Variants in SAR1B observed in about 807,000 individuals in gnomAD.
SAR1B encodes the protein small COPII coat GTPase SAR1B.
Under a neutral mutation model 26.8 loss-of-function variants are expected in SAR1B, and 23 were observed. The observed-to-expected ratio is 0.86, with a 90% CI of 0.62 to 1.22. The LOEUF is 1.22. Among genes scored for constraint, SAR1B ranks in the 50% most tolerant of loss-of-function variants. SAR1B has a pLI of 0.00. For synonymous variants in SAR1B, 65 were observed against 80.8 expected (o/e 0.80, Z 1.05); for missense variants, 196 against 232.8 (o/e 0.84, Z 1.03).
Position 134,603,435 on chromosome 5 carries a change from T to C in SAR1B, c.*3515A>G, listed in dbSNP as rs895542767. ...TTTTCTAGAATGCAAGAAACACTATTATCACAGTTATCACCCTATTTTAAT... is the reference window on the plus strand; with the variant it reads ...TTTTCTAGAATGCAAGAAACACTATCATCACAGTTATCACCCTATTTTAAT... On this transcript the variant is annotated 3_prime_UTR_variant, in exon 7 of 7. Coordinates refer to ENST00000402673, the MANE Select transcript of SAR1B (RefSeq NM_016103.4). The C allele has an allele frequency of 1.3e-5, 2 of 152,262 alleles. No individual in the cohort carries two copies. The highest frequency in any genetic ancestry group is 4.8e-5 in the African/African-American group (2 of 41,460). The allele number at this position is 152,262 out of a possible 1,614,324, so 9.4% of individuals were successfully genotyped here.
Position 134,603,241 on chromosome 5 carries a change from T to C in SAR1B, c.*3709A>G, listed in dbSNP as rs559086015. ...AATAAATCCTTGCAAACGTCAGTCA[T>C]GTAAGTGACTAACAAGACTGAAATA... On this transcript the variant is annotated 3_prime_UTR_variant, in exon 7 of 7. Transcript: ENST00000402673. The C allele has an allele frequency of 1.1e-4, 16 of 152,338 alleles. No individual in the cohort carries two copies. Among genetic ancestry groups the C allele is most frequent in the Non-Finnish European group, 2.1e-4 (14 of 68,028 alleles). 9.4% of individuals were successfully genotyped at this position (152,338 alleles called of 1,614,324 possible). A position where few individuals can be genotyped will look rare whatever the true frequency, so the allele number is the denominator to read the frequency against.
chr5:134,606,423 C>T lies in SAR1B; in HGVS notation c.*527G>A, dbSNP rs1312817140. ...ACATTTAAATGAAACATTTGCCCAACAAGGATGCCAAACATTAGAGTTTGT... is the reference window on the plus strand; with the variant it reads ...ACATTTAAATGAAACATTTGCCCAATAAGGATGCCAAACATTAGAGTTTGT... On this transcript the variant is annotated 3_prime_UTR_variant, in exon 7 of 7. Coordinates refer to ENST00000402673, the MANE Select transcript of SAR1B (RefSeq NM_016103.4). 6.0e-6 allele frequency: 1 copy of T among 165,324 alleles called. No homozygotes were observed. The highest frequency in any genetic ancestry group is 1.3e-5 in the Non-Finnish European group (1 of 75,096). 10.2% of individuals were successfully genotyped at this position (165,324 alleles called of 1,614,324 possible).
intron 1 of SAR1B, among the ~76,000 whole-genome samples, chr5:134,629,504 C>A (rs1181808963): frequency 6.6e-6 from 1 of 152,098 alleles, no homozygotes; most frequent in Non-Finnish European, 1.5e-5. Flanking sequence ...CAAGACCAGC[C>A]TGACTAACAT....
rs1765134177 is a variant in SAR1B at position 134,606,765 on chromosome 5, G to T, written c.*185C>A. 1.7e-6 allele frequency: 1 copy of T among 595,848 alleles called. No individual in the cohort carries two copies. Among genetic ancestry groups the T allele is most frequent in the Non-Finnish European group, 3.1e-6 (1 of 327,464 alleles). The allele number at this position is 595,848 out of a possible 1,614,324, so 36.9% of individuals were successfully genotyped here. A position where few individuals can be genotyped will look rare whatever the true frequency, so the allele number is the denominator to read the frequency against. On this transcript the variant is annotated 3_prime_UTR_variant, in exon 7 of 7. Transcript: ENST00000402673. The stretch of plus-strand genomic sequence containing the variant: ...TATGGAATTAGAAAGCTAACATTGT[G>T]ATACTCAAACTTACTTGAATCAGTT...
chr5:134,610,833 A>G (rs1164918455), intron 4 of SAR1B, among the ~76,000 whole-genome samples: 1 of 151,898 alleles, frequency 6.6e-6, no homozygotes, highest in Non-Finnish European at 1.5e-5. Context: ...CATAAGAGTA[A>G]TTTTTTCCAT....
At chr5:134,626,396 T>G (rs937351730) in intron 1 of SAR1B, among the ~76,000 whole-genome samples, 7 of 151,942 alleles carry the variant, frequency 4.6e-5, no homozygotes, top group African/African-American at 1.7e-4. Context: ...GTTTTTTTAT[T>G]GTTATTTTAA....
chr5:134,607,390 CCAAA>C (rs1232419036), intron 6 of SAR1B, among the ~76,000 whole-genome samples: 1 of 152,158 alleles, frequency 6.6e-6, no homozygotes, highest in Non-Finnish European at 1.5e-5. Flanking sequence ...AGGTTTATGA[CCAAA>C]CAAAGCATTT....
chr5:134,614,161 A>AAAGG (rs1184883035), intron 3 of SAR1B: 1 of 152,080 alleles, frequency 6.6e-6, no homozygotes, highest in African/African-American at 2.4e-5. Flanking sequence ...AGAAAGAAAG[A>AAAGG]AAAAAAAGAA....
chr5:134,619,935 C>CGTAT, intron 3 of SAR1B, among the ~76,000 whole-genome samples: 1 of 152,092 alleles, frequency 6.6e-6, no homozygotes, highest in East Asian at 1.9e-4. Flanking sequence ...GCGCTATGAT[C>CGTAT]ATACCACGGC....
chr5:134,616,640 C>CT (rs1232103971), intron 3 of SAR1B, among the ~76,000 whole-genome samples: 1 of 152,160 alleles, frequency 6.6e-6, no homozygotes, highest in Non-Finnish European at 1.5e-5. Context: ...ATACAGAACA[C>CT]TGTTAACATC....
intron 3 of SAR1B, among the ~76,000 whole-genome samples, chr5:134,615,730 T>C (rs1287924926): frequency 6.6e-6 from 1 of 151,214 alleles, no homozygotes; most frequent in Admixed American, 6.6e-5. Flanking sequence ...GGCAGGAGAA[T>C]GGCATGAACG....
rs1765455978 is a variant in SAR1B, at chr5:134,624,000, C to T, written c.20G>A (p.Trp7Ter). The change falls in exon 2 of 7, where the codon TGG becomes TAG. Residue 7 changes from tryptophan (W) to a stop codon, truncating the protein, a stop_gained. Transcript: ENST00000402673. LOFTEE classifies it high-confidence loss of function. Reference sequence around the variant, plus strand: ...CACACTGCTGAAACCACTGTAAATCCAATCAAATATGAAGGACATATCCAA... The same window carrying T: ...CACACTGCTGAAACCACTGTAAATCTAATCAAATATGAAGGACATATCCAA... MSFIFDWIYSGFSSVLQ... is the reference protein window; with the variant it reads MSFIFD The T allele has an allele frequency of 1.2e-6, 2 of 1,611,360 alleles. No individual in the cohort carries two copies. The highest frequency in any genetic ancestry group is 1.7e-6 in the Non-Finnish European group (2 of 1,177,640).
At chr5:134,609,458 G>A in intron 5 of SAR1B, 113 bp downstream of exon 5, 1 of 827,964 alleles carries the variant, frequency 1.2e-6, no homozygotes, top group Non-Finnish European at 2.1e-6. Flanking sequence ...AAATTGCCAA[G>A]AGTTTCATCA....
intron 1 of SAR1B, among the ~76,000 whole-genome samples, chr5:134,628,782 T>C (rs943641799): frequency 2.6e-5 from 4 of 151,942 alleles, no homozygotes; most frequent in African/African-American, 9.7e-5. Flanking sequence ...GCCTCCCAAG[T>C]AGCAGGGATT....
At chr5:134,609,143 T>C (rs1038749694) in intron 5 of SAR1B, 1 of 457,162 alleles carries the variant, frequency 2.2e-6, no homozygotes, top group Non-Finnish European at 4.4e-6. Context: ...CCTGGGATAC[T>C]GGAGGGGAGG....
At chr5:134,627,096 G>A (rs1387178684) in intron 1 of SAR1B, among the ~76,000 whole-genome samples, 2 of 151,858 alleles carry the variant, frequency 1.3e-5, no homozygotes, top group African/African-American at 4.8e-5. Context: ...CTGTCGCCCA[G>A]GATGGAGTGC....
intron 3 of SAR1B, among the ~76,000 whole-genome samples, chr5:134,620,687 C>T (rs1364258800): frequency 2.0e-5 from 3 of 152,134 alleles, no homozygotes; most frequent in African/African-American, 4.8e-5. Flanking sequence ...ATATCGAAAC[C>T]TGGTCTCTGA....
intron 5 of SAR1B, 112 bp from the exon 6 acceptor site, chr5:134,608,615 C>T (rs1348702813): frequency 5.9e-6 from 7 of 1,190,920 alleles, no homozygotes; most frequent in Non-Finnish European, 6.0e-6. Flanking sequence ...CATGTCATAC[C>T]AACGTTCTTT....
Position 134,612,733 on chromosome 5 carries a change from C to T in SAR1B, c.202G>A (p.Gly68Ser). Residue 68 changes from glycine (G) to serine (S), a missense_variant, in exon 4 of 7, where the codon GGC becomes AGC. Physicochemically the swap from Gly to Ser is moderately conservative, Grantham distance 56. Coordinates refer to ENST00000402673, the MANE Select transcript of SAR1B (RefSeq NM_016103.4). ...HPTSEELTIA[G>S]MTFTTFDLGG... is the part of the protein sequence containing the mutation. ...AGATCAAAAGTTGTAAACGTCATGC[C>T]AGCAATGGTCAGTTCTTCGGAAGCT... 6.4e-7 allele frequency: 1 copy of T among 1,562,446 alleles called. No homozygotes were observed. Among genetic ancestry groups the T allele is most frequent in the Non-Finnish European group, 8.7e-7 (1 of 1,154,162 alleles).
Sources: allele counts gnomAD v4.1 joint callset (sites outside exome capture counted in the v4.1 genomes callset), GRCh38; gene constraint gnomAD v4.1.1; transcripts MANE v1.5; gene names NCBI Gene and HGNC (gene_info 2026-07-23, HGNC 2026-07-21).